NCAM2: variants seen among roughly 807,000 people sequenced by gnomAD.
The protein encoded by NCAM2 is neural cell adhesion molecule 2, also known as N-CAM-2.
Under a neutral mutation model 98.1 loss-of-function variants are expected in NCAM2, and 30 were observed. The ratio of observed to expected loss-of-function variants is 0.31; its 90% CI spans 0.23 to 0.41. NCAM2 has a LOEUF of 0.41. NCAM2 is among the 10% of genes least tolerant of loss of function. The pLI, the probability that NCAM2 is intolerant of heterozygous loss-of-function variation, is 1.00. For synonymous variants in NCAM2, 368 were observed against 342.4 expected (o/e 1.07, Z -0.83); for missense variants, 867 against 1,005.8 (o/e 0.86, Z 1.87).
chr21:21,126,543 TCTAC>T (rs956506538), intron 1 of NCAM2, among the ~76,000 whole-genome samples: 2 of 152,014 alleles, frequency 1.3e-5, no homozygotes, highest in Admixed American at 6.6e-5. Context: ...ACCCCATTTC[TCTAC>T]CTATTTGTGT....
chr21:21,325,466 A>G (rs973687916), intron 6 of NCAM2, among the ~76,000 whole-genome samples: 3 of 152,188 alleles, frequency 2.0e-5, no homozygotes, highest in Non-Finnish European at 4.4e-5. Flanking sequence ...GTAACAATAA[A>G]TGAGATGTTT....
intron 16 of NCAM2, among the ~76,000 whole-genome samples, chr21:21,521,566 T>C (rs1338220460): frequency 6.6e-6 from 1 of 152,066 alleles, no homozygotes; most frequent in Non-Finnish European, 1.5e-5. Flanking sequence ...AGATGTGCAA[T>C]GTATGCAAGC....
intron 1 of NCAM2, among the ~76,000 whole-genome samples, chr21:21,050,117 C>T (rs1460061380): frequency 2.0e-5 from 3 of 149,180 alleles, no homozygotes; most frequent in African/African-American, 7.5e-5. Context: ...TTTCATTTCA[C>T]ATTAAGCACT....
chr21:21,050,084 A>C (rs2065076798), intron 1 of NCAM2, among the ~76,000 whole-genome samples: 1 of 151,916 alleles, frequency 6.6e-6, no homozygotes, highest in African/African-American at 2.4e-5. Flanking sequence ...GACTAACTAG[A>C]CTTTGCAAAA....
intron 11 of NCAM2, among the ~76,000 whole-genome samples, chr21:21,427,959 C>T (rs1453278907): frequency 1.3e-5 from 2 of 152,252 alleles, no homozygotes; most frequent in Non-Finnish European, 1.5e-5. Flanking sequence ...CAACAACACT[C>T]GCCGTCGTAC....
chr21:21,531,360 C>T (rs1989684413), intron 16 of NCAM2, among the ~76,000 whole-genome samples: 1 of 152,092 alleles, frequency 6.6e-6, no homozygotes. Flanking sequence ...ATTCTCCATG[C>T]ATGCCACGAC....
chr21:21,421,324 C>A (rs1447830354), intron 11 of NCAM2, among the ~76,000 whole-genome samples: 1 of 130,856 alleles, frequency 7.6e-6, no homozygotes, highest in Non-Finnish European at 1.6e-5. Context: ...ACTGAGTTTT[C>A]TTCTGTCCAA....
intron 8 of NCAM2, among the ~76,000 whole-genome samples, chr21:21,372,067 A>T (rs1201845341): frequency 6.6e-6 from 1 of 151,836 alleles, no homozygotes; most frequent in Non-Finnish European, 1.5e-5. Flanking sequence ...TCTAAATTTG[A>T]CAATAAACGT....
Position 21,495,369 on chromosome 21 carries a change from T to C in NCAM2, c.2078-13482T>C, listed in dbSNP as rs189540075. On this transcript the variant is annotated intron_variant, in intron 15 of 17. Coordinates refer to ENST00000400546, the MANE Select transcript of NCAM2 (RefSeq NM_004540.5). ...TATCCAAGGAGTTCTCATTCTTATA[T>C]GGTGTGTGGAAATGGGCATGGAATA... Among the ~76,000 whole-genome samples, 5 of 152,090 alleles carry C rather than the reference T, an allele frequency of 3.3e-5. No homozygotes were observed. In the East Asian group the frequency reaches 9.7e-4, roughly 29 times the overall value.
intron 1 of NCAM2, among the ~76,000 whole-genome samples, chr21:21,159,520 T>C (rs892306454): frequency 3.3e-5 from 5 of 152,172 alleles, no homozygotes; most frequent in African/African-American, 1.2e-4. Flanking sequence ...TTTGTATGTT[T>C]AGATACACAA....
At chr21:21,402,836 C>G (rs2076661389) in intron 9 of NCAM2, among the ~76,000 whole-genome samples, 2 of 152,032 alleles carry the variant, frequency 1.3e-5, no homozygotes, top group Admixed American at 1.3e-4. Flanking sequence ...GGTGGGTTCC[C>G]CTGATAGGTA....
chr21:21,171,115 C>T (rs2068111509), intron 1 of NCAM2, among the ~76,000 whole-genome samples: 1 of 152,048 alleles, frequency 6.6e-6, no homozygotes, highest in Admixed American at 6.6e-5. Flanking sequence ...TGATTAATTG[C>T]CATGCATTAA....
rs922667373 is a variant in NCAM2 at position 21,530,339 on chromosome 21, A to G, written c.2283-4198A>G. On this transcript the variant is annotated intron_variant, in intron 16 of 17. Coordinates refer to ENST00000400546, the MANE Select transcript of NCAM2 (RefSeq NM_004540.5). ...ATAATTAAATTAAATTAAATTATAC[A>G]TAATTAAATTAAAATATAATTTGAT... Among the ~76,000 whole-genome samples the G allele has an allele frequency of 1.2e-4, 5 of 41,936 alleles. No homozygotes were observed. In the South Asian group the frequency reaches 1.4e-3, roughly 12 times the overall value. The allele number at this position is 41,936 out of a possible 152,430, so 27.5% of individuals were successfully genotyped here.
chr21:21,151,919 G>T (rs950534523), intron 1 of NCAM2, among the ~76,000 whole-genome samples: 11 of 151,838 alleles, frequency 7.2e-5, no homozygotes, highest in African/African-American at 2.2e-4. Flanking sequence ...TAGAAATATT[G>T]TTATGATATA....
chr21:21,271,642 A>G (rs989325283), intron 1 of NCAM2, among the ~76,000 whole-genome samples: 1 of 152,180 alleles, frequency 6.6e-6, no homozygotes, highest in African/African-American at 2.4e-5. Flanking sequence ...TATTTATAAG[A>G]CAATGTGGCT....
At chr21:21,013,880 T>C (rs1281329401) in intron 1 of NCAM2, among the ~76,000 whole-genome samples, 2 of 152,138 alleles carry the variant, frequency 1.3e-5, no homozygotes, top group Non-Finnish European at 1.5e-5. Context: ...CAGCAGATGC[T>C]GATGGAGAAG....
chr21:21,474,567 A>G (rs1386403310), intron 14 of NCAM2, among the ~76,000 whole-genome samples: 5 of 151,782 alleles, frequency 3.3e-5, no homozygotes, highest in Admixed American at 6.6e-5. Context: ...TTTCACCCAC[A>G]TCTTCACTCA....
intron 1 of NCAM2, among the ~76,000 whole-genome samples, chr21:21,113,762 A>G (rs1382515447): frequency 1.3e-5 from 2 of 152,152 alleles, no homozygotes; most frequent in African/African-American, 4.8e-5. Context: ...TAAATGTTTA[A>G]TGTGTATTTT....
At chr21:21,292,784 T>C (rs1345931673) in intron 5 of NCAM2, among the ~76,000 whole-genome samples, 1 of 151,900 alleles carries the variant, frequency 6.6e-6, no homozygotes, top group Non-Finnish European at 1.5e-5. Context: ...ATTACAGTTA[T>C]CTTGGCTGTC....
Sources: allele counts gnomAD v4.1 joint callset (sites outside exome capture counted in the v4.1 genomes callset), GRCh38; gene constraint gnomAD v4.1.1; transcripts MANE v1.5; gene names NCBI Gene and HGNC (gene_info 2026-07-23, HGNC 2026-07-21).